The following PXDNL variants were observed in gnomAD, a reference collection of about 807,000 sequenced individuals.
The protein encoded by PXDNL is peroxidasin like, also known as probable oxidoreductase PXDNL.
PXDNL carries 145 observed loss-of-function variants against 150.8 expected under a neutral mutation model. That is an observed-to-expected ratio of 0.96 (90% confidence interval 0.84 to 1.10). The LOEUF (loss-of-function observed/expected upper bound fraction) is 1.10. Ranked by LOEUF, PXDNL falls within the 50% of genes least tolerant of loss-of-function variation. PXDNL has a pLI of 0.00. For synonymous variants in PXDNL, 757 were observed against 725.7 expected, an observed-to-expected ratio of 1.04 and a Z score of -0.69; for missense variants, 2,087 against 1,873.9, an observed-to-expected ratio of 1.11 and a Z score of -2.10.
chr8:51,425,740 T>G (rs7017264), intron 13 of PXDNL, among the ~76,000 whole-genome samples: 32,370 of 151,352 alleles, frequency 0.21, 4,086 homozygotes, highest in African/African-American at 0.34. Flanking sequence ...GACAATGGCG[T>G]GAACCCAGGA....
At chr8:51,665,144 G>C (rs970222229) in intron 1 of PXDNL, among the ~76,000 whole-genome samples, 3 of 152,136 alleles carry the variant, frequency 2.0e-5, no homozygotes, top group South Asian at 2.1e-4. Context: ...TTTCCTTAGA[G>C]AGACATTCCC....
chr8:51,380,049 C>T (rs1204179247), intron 17 of PXDNL, among the ~76,000 whole-genome samples: 1 of 151,870 alleles, frequency 6.6e-6, no homozygotes, highest in African/African-American at 2.4e-5. Context: ...CTCTTGGCTT[C>T]CCTGGGCCAC....
intron 21 of PXDNL, among the ~76,000 whole-genome samples, chr8:51,330,439 T>C (rs938044402): frequency 6.6e-6 from 1 of 152,202 alleles, no homozygotes; most frequent in Non-Finnish European, 1.5e-5. Context: ...CATATGAATT[T>C]TCGACAGGCT....
intron 17 of PXDNL, among the ~76,000 whole-genome samples, chr8:51,382,575 G>A (rs1374228891): frequency 6.6e-6 from 1 of 152,080 alleles, no homozygotes; most frequent in Admixed American, 6.6e-5. Context: ...TATCTTTGAA[G>A]AGACCATTCA....
chr8:51,333,569 G>T (rs1388658802), intron 21 of PXDNL, among the ~76,000 whole-genome samples: 1 of 152,096 alleles, frequency 6.6e-6, no homozygotes, highest in African/African-American at 2.4e-5. Flanking sequence ...ATGGATAAAA[G>T]CTCACCAACC....
intron 19 of PXDNL, among the ~76,000 whole-genome samples, chr8:51,354,579 A>G (rs1396100121): frequency 2.0e-5 from 3 of 152,128 alleles, no homozygotes; most frequent in Admixed American, 2.0e-4. Context: ...GTTTACTAAA[A>G]GGCACATATC....
intron 5 of PXDNL, among the ~76,000 whole-genome samples, chr8:51,485,814 T>C (rs980587842): frequency 9.2e-5 from 14 of 152,330 alleles, no homozygotes; most frequent in Non-Finnish European, 1.9e-4. Flanking sequence ...TTAACAAGTA[T>C]TGTTGAATAA....
At chr8:51,577,524 A>AATATG (rs1813081591) in intron 3 of PXDNL, among the ~76,000 whole-genome samples, 1 of 149,310 alleles carries the variant, frequency 6.7e-6, no homozygotes. Context: ...GAGAAAACAC[A>AATATG]AGTACCAATA....
chr8:51,714,190 GC>G (rs1816559546), intron 1 of PXDNL, among the ~76,000 whole-genome samples: 1 of 152,178 alleles, frequency 6.6e-6, no homozygotes, highest in African/African-American at 2.4e-5. Context: ...TATCCTCTAG[GC>G]CTTATATTTT....
chr8:51,675,709 C>T (rs1470119044), intron 1 of PXDNL, among the ~76,000 whole-genome samples: 2 of 146,216 alleles, frequency 1.4e-5, no homozygotes, highest in African/African-American at 5.5e-5. Context: ...AGGAGAATCA[C>T]TCAAACCCGG....
At chr8:51,498,259 C>A (rs920035703) in intron 5 of PXDNL, among the ~76,000 whole-genome samples, 2 of 140,660 alleles carry the variant, frequency 1.4e-5, no homozygotes, top group African/African-American at 5.4e-5. Flanking sequence ...GGAAGGGAAA[C>A]ATCACACACC....
In PXDNL at chr8:51,339,632, T is replaced by C; in HGVS notation, c.4138A>G (p.Arg1380Gly). ...AEIQETITAL[R>G]EQINKLEARL... is the part of the protein sequence containing the mutation. ...TTGAAGAGAAAACAAACCTGCTCTC[T>C]GAGTGCTGTGATGGTTTCCTGAATT... The change falls in exon 21 of 23, where the codon AGA becomes GGA. Residue 1380 changes from arginine to glycine, a missense_variant. Transcript: ENST00000356297. 1 of 1,613,192 alleles carries C rather than the reference T, an allele frequency of 6.2e-7. No homozygotes were observed. Among genetic ancestry groups the C allele is most frequent in the Non-Finnish European group, 8.5e-7 (1 of 1,179,678 alleles).
At chr8:51,781,668 G>C (rs972910464) in intron 1 of PXDNL, among the ~76,000 whole-genome samples, 12 of 152,206 alleles carry the variant, frequency 7.9e-5, no homozygotes, top group African/African-American at 2.9e-4. Flanking sequence ...CCCTGCCAGA[G>C]ACAGGAAAAG....
chr8:51,699,054 T>C (rs555760700), intron 1 of PXDNL, among the ~76,000 whole-genome samples: 6 of 152,188 alleles, frequency 3.9e-5, no homozygotes, highest in Non-Finnish European at 5.9e-5. Context: ...AGAGTACATT[T>C]AACATAATTC....
chr8:51,356,343 G>A (rs1456843366), intron 19 of PXDNL, among the ~76,000 whole-genome samples: 1 of 152,064 alleles, frequency 6.6e-6, no homozygotes, highest in African/African-American at 2.4e-5. Flanking sequence ...ACAAAAATTA[G>A]CTTGGTGTGG....
intron 4 of PXDNL, among the ~76,000 whole-genome samples, chr8:51,537,001 A>C (rs1030300708): frequency 5.3e-5 from 8 of 152,258 alleles, no homozygotes; most frequent in Non-Finnish European, 1.2e-4. Context: ...ATAAAGGCAG[A>C]CTTTAGATAA....
intron 21 of PXDNL, 145 bp downstream of exon 21, chr8:51,339,479 C>CAA: frequency 2.5e-6 from 2 of 789,544 alleles, no homozygotes; most frequent in South Asian, 2.4e-5. Flanking sequence ...AAAGTAAAAA[C>CAA]AAAAAAAAAG....
At chr8:51,417,570 G>T (rs764059471) in intron 14 of PXDNL, among the ~76,000 whole-genome samples, 1 of 152,208 alleles carries the variant, frequency 6.6e-6, no homozygotes. Flanking sequence ...TAAAGGCTGA[G>T]ATTTTTTCAC....
chr8:51,705,840 C>T (rs199547991), intron 1 of PXDNL, among the ~76,000 whole-genome samples: 41,380 of 148,894 alleles, frequency 0.28, 8,930 homozygotes, highest in African/African-American at 0.63. Context: ...TGTGCGCGCG[C>T]GCGCGCGCGC....
Sources: gnomAD v4.1 joint callset for allele counts (sites outside exome capture counted in the v4.1 genomes callset) on GRCh38, gnomAD v4.1.1 for gene constraint, MANE v1.5 for transcripts, NCBI Gene and HGNC (gene_info 2026-07-23, HGNC 2026-07-21) for gene names.